Variants in RGS3 observed in about 807,000 individuals in gnomAD.
RGS3 encodes the protein regulator of G protein signaling 3, also known as regulator of G-protein signalling 3.
In RGS3, 80 loss-of-function variants were observed where a neutral mutation model predicts 132.6. The ratio of observed to expected loss-of-function variants is 0.60; its 90% CI spans 0.50 to 0.73. RGS3 has a LOEUF of 0.73. Among genes scored for constraint, RGS3 ranks in the 30% least tolerant of loss-of-function variants. The pLI, the probability that RGS3 is intolerant of heterozygous loss-of-function variation, is 0.00. For synonymous variants in RGS3, 598 were observed against 620.6 expected, an observed-to-expected ratio of 0.96 and a Z score of 0.54; for missense variants, 1,382 against 1,530.8, an observed-to-expected ratio of 0.90 and a Z score of 1.62.
chr9:113,595,401 G>A (rs1195512639), intron 23 of RGS3, 198 bp from the exon 22 acceptor site: 7 of 596,486 alleles, frequency 1.2e-5, no homozygotes, highest in Non-Finnish European at 1.8e-5. Context: ...GCATAGAGAG[G>A]GGGAGACCCC....
intron 19 of RGS3, among the ~76,000 whole-genome samples, chr9:113,570,779 G>A (rs973132980): frequency 1.3e-5 from 2 of 152,170 alleles, no homozygotes; most frequent in African/African-American, 2.4e-5. Context: ...TGGGATTACC[G>A]GCGCGTGCCA....
At chr9:113,517,817 A>G (rs1831754633) in intron 16 of RGS3, among the ~76,000 whole-genome samples, 193 bp downstream of exon 14, 1 of 152,154 alleles carries the variant, frequency 6.6e-6, no homozygotes, top group Non-Finnish European at 1.5e-5. Flanking sequence ...TCCTTTCAAA[A>G]GCTGTCGAAT....
intron 19 of RGS3, chr9:113,570,480 C>A (rs939990293): frequency 4.6e-5 from 7 of 151,814 alleles, no homozygotes; most frequent in African/African-American, 1.7e-4. Flanking sequence ...TTAAAATAAA[C>A]CTTTTAAATT....
chr9:113,584,047 G>T lies in RGS3; in HGVS notation c.2635G>T (p.Glu879Ter). The T allele has an allele frequency of 6.2e-7, 1 of 1,614,192 alleles. No individual in the cohort carries two copies. Among genetic ancestry groups the T allele is most frequent in the Non-Finnish European group, 8.5e-7 (1 of 1,180,006 alleles). Residue 879 changes from glutamate (E) to a stop codon, truncating the protein, a stop_gained, in exon 20 of 25, where the codon GAG becomes TAG. Transcript: ENST00000350696. LOFTEE classifies it high-confidence loss of function. ...GGCAGAGCAGGGCTGCTCGGGAGATGAGGAGGATGCAGAAGAGGCCGAGGA... is the reference window on the plus strand; with the variant it reads ...GGCAGAGCAGGGCTGCTCGGGAGATTAGGAGGATGCAGAAGAGGCCGAGGA...
At chr9:113,448,966 G>A (rs559843573) in intron 1 of RGS3, among the ~76,000 whole-genome samples, 1 of 152,228 alleles carries the variant, frequency 6.6e-6, no homozygotes, top group South Asian at 2.1e-4. Flanking sequence ...AAAGTTTGGG[G>A]AGCAGGCAAG....
At chr9:113,567,715 A>G (rs1017547579) in intron 19 of RGS3, among the ~76,000 whole-genome samples, 1 of 152,186 alleles carries the variant, frequency 6.6e-6, no homozygotes, top group African/African-American at 2.4e-5. Flanking sequence ...TTCACAGCAT[A>G]GCCTGGGCCA....
intron 21 of RGS3, 195 bp from the exon 20 acceptor site, chr9:113,594,235 T>G: frequency 6.2e-7 from 1 of 1,612,718 alleles, no homozygotes; most frequent in African/African-American, 1.3e-5. Context: ...TGGTGCCTCC[T>G]ACAGACCAAT....
upstream of RGS3, among the ~76,000 whole-genome samples, chr9:113,457,898 G>GA (rs562619750): frequency 9.1e-4 from 138 of 151,946 alleles, no homozygotes; most frequent in Non-Finnish European, 1.2e-3. Flanking sequence ...CAGAACCCAG[G>GA]AAAAAAATGA....
At chr9:113,584,619 A>AT (rs1835030522) in intron 20 of RGS3, among the ~76,000 whole-genome samples, 192 bp downstream of exon 18, 1 of 152,212 alleles carries the variant, frequency 6.6e-6, no homozygotes, top group African/African-American at 2.4e-5. Context: ...ATGGACTTAA[A>AT]CACATGACTT....
intron 10 of RGS3, among the ~76,000 whole-genome samples, chr9:113,502,281 G>A (rs761312275): frequency 6.6e-6 from 1 of 152,228 alleles, no homozygotes; most frequent in Non-Finnish European, 1.5e-5. Flanking sequence ...TAGGAATGGG[G>A]TTAGGGATGG....
intron 10 of RGS3, among the ~76,000 whole-genome samples, chr9:113,499,247 A>AG (rs1830789085): frequency 6.6e-6 from 1 of 150,792 alleles, no homozygotes; most frequent in Non-Finnish European, 1.5e-5. Context: ...AAAAAAAAAA[A>AG]GGAGAAACAA....
intron 18 of RGS3, among the ~76,000 whole-genome samples, chr9:113,534,610 ATTTTTTTT>A (rs58115176): frequency 7.8e-6 from 1 of 128,756 alleles, no homozygotes; most frequent in Non-Finnish European, 1.7e-5. Flanking sequence ...GTACAGATGA[ATTTTTTTT>A]TTTTTTTTTT....
exon 24 of RGS3, chr9:113,595,744 C>A: frequency 6.2e-7 from 1 of 1,614,044 alleles, no homozygotes; most frequent in Non-Finnish European, 8.5e-7. Flanking sequence ...CTGAATACAT[C>A]GCGATCCAGG....
chr9:113,501,300 G>A (rs969326028), intron 10 of RGS3: 12 of 803,608 alleles, frequency 1.5e-5, no homozygotes, highest in Admixed American at 3.2e-5. Flanking sequence ...CCCTCTCCCC[G>A]CCGGGCCCGG....
At chr9:113,503,991 C>A (rs971580520) in intron 10 of RGS3, among the ~76,000 whole-genome samples, 2 of 152,142 alleles carry the variant, frequency 1.3e-5, no homozygotes, top group African/African-American at 4.8e-5. Flanking sequence ...CCTGCCTCCT[C>A]CCCCTTCCCC....
At chr9:113,481,931 C>T (rs540015537) in intron 4 of RGS3, among the ~76,000 whole-genome samples, 19 of 151,966 alleles carry the variant, frequency 1.3e-4, no homozygotes, top group Admixed American at 5.2e-4. Context: ...CTGTAATCCC[C>T]GCTACTTGGC....
At chr9:113,567,843 G>A (rs1330493526) in intron 19 of RGS3, among the ~76,000 whole-genome samples, 1 of 152,246 alleles carries the variant, frequency 6.6e-6, no homozygotes, top group Non-Finnish European at 1.5e-5. Flanking sequence ...GCCAACCAGA[G>A]TAGGTCTGGG....
chr9:113,536,723 G>A (rs1832691926), intron 18 of RGS3, 73 bp from the exon 17 acceptor site: 1 of 1,574,084 alleles, frequency 6.4e-7, no homozygotes, highest in Admixed American at 1.7e-5. Flanking sequence ...CCCAGGGATG[G>A]GCTTGGGCCT....
rs181674509 is a variant in RGS3 at position 113,543,772 on chromosome 9, C to G, written c.2037+6854C>G. On this transcript the variant is annotated intron_variant, in intron 19 of 24. Transcript: ENST00000350696. ...TGAATGCAGCACACAGCCCTGGGGACAGGACTTTTCACCCAGCCTGTCCTG... is the reference window on the plus strand; with the variant it reads ...TGAATGCAGCACACAGCCCTGGGGAGAGGACTTTTCACCCAGCCTGTCCTG... Among the ~76,000 whole-genome samples the G allele has an allele frequency of 4.1e-4, 63 of 152,310 alleles. No individual in the cohort carries two copies. In the East Asian group the frequency reaches 7.5e-3, roughly 18 times the overall value.
Sources: allele counts gnomAD v4.1 joint callset (sites outside exome capture counted in the v4.1 genomes callset), GRCh38; gene constraint gnomAD v4.1.1; transcripts MANE v1.5; gene names NCBI Gene and HGNC (gene_info 2026-07-23, HGNC 2026-07-21).